EIF4G2: variants seen among roughly 807,000 people sequenced by gnomAD.
The protein encoded by EIF4G2 is eukaryotic translation initiation factor 4 gamma 2, also known as DAP-5.
In EIF4G2, 8 loss-of-function variants were observed where a neutral mutation model predicts 117.7. The observed-to-expected ratio is 0.07, with a 90% CI of 0.04 to 0.12. The LOEUF is 0.12. Ranked by LOEUF, EIF4G2 falls within the 10% of genes least tolerant of loss-of-function variation. The pLI is 1.00. For missense variants in EIF4G2, 812 were observed against 1,086.2 expected, an observed-to-expected ratio of 0.75 and a Z score of 3.55; for synonymous variants, 413 against 367.8, an observed-to-expected ratio of 1.12 and a Z score of -1.41.
intron 19 of EIF4G2, 49 bp from the exon 20 acceptor site, chr11:10,799,473 CAA>C (rs2089107557): frequency 1.9e-6 from 3 of 1,609,440 alleles, no homozygotes; most frequent in African/African-American, 1.3e-5. Flanking sequence ...TTTTCTTGCT[CAA>C]GAGACAACTC....
intron 14 of EIF4G2, 111 bp downstream of exon 14, chr11:10,801,550 G>A (rs897374842): frequency 8.1e-6 from 8 of 982,838 alleles, no homozygotes; most frequent in African/African-American, 1.6e-5. Flanking sequence ...AGAGAAAAAC[G>A]TCAAGAACTC....
chr11:10,797,576 G>A lies in EIF4G2; in HGVS notation c.*240C>T, dbSNP rs757496109. Reference sequence around the variant, plus strand: ...CTTGAGAACTTATGATGTAATTATTGCATGCTGCTAATATACTATCTAAAC... The same window carrying A: ...CTTGAGAACTTATGATGTAATTATTACATGCTGCTAATATACTATCTAAAC... On this transcript the variant is annotated 3_prime_UTR_variant, in exon 22 of 22. Transcript: ENST00000339995. This position sits in a 1 kb window ranked among gnomAD's most constrained non-coding sequence, Gnocchi z 4.5. The A allele has an allele frequency of 8.4e-6, 4 of 474,364 alleles. No homozygotes were observed. Among genetic ancestry groups the A allele is most frequent in the Non-Finnish European group, 1.1e-5 (3 of 266,096 alleles). 29.4% of individuals were successfully genotyped at this position (474,364 alleles called of 1,614,324 possible).
At chr11:10,804,610 A>G (rs1301454316) in intron 5 of EIF4G2, 192 bp from the exon 6 acceptor site, 10 of 702,126 alleles carry the variant, frequency 1.4e-5, no homozygotes, top group Admixed American at 6.3e-5. Context: ...TCAAGTCTAC[A>G]TAAACTGTCA....
chr11:10,804,424 G>A lies in EIF4G2; in HGVS notation c.352-6C>T, dbSNP rs778846204. ...TCTAGGGCTTTGTCCACAATCTACA[G>A]AAAATGTCATTGCTTAAACTAAATA... is the stretch of plus-strand genomic sequence containing the variant. On this transcript the variant is annotated splice_region_variant and splice_polypyrimidine_tract_variant and intron_variant, in intron 5 of 21. Transcript: ENST00000339995. 6.4e-7 allele frequency: 1 copy of A among 1,569,350 alleles called. No homozygotes were observed. Among genetic ancestry groups the A allele is most frequent in the Non-Finnish European group, 8.6e-7 (1 of 1,159,616 alleles).
intron 1 of EIF4G2, chr11:10,808,355 C>T: frequency 8.3e-7 from 1 of 1,206,344 alleles, no homozygotes; most frequent in Non-Finnish European, 1.1e-6. Context: ...CCCTGCCGGC[C>T]CGCGTGCCTC....
intron 14 of EIF4G2, 99 bp from the exon 15 acceptor site, chr11:10,801,186 G>T: frequency 6.7e-7 from 1 of 1,502,060 alleles, no homozygotes; most frequent in Non-Finnish European, 8.9e-7. Context: ...AGAATCTAGG[G>T]AAACATTAAG....
chr11:10,800,720 T>G lies in EIF4G2; in HGVS notation c.1644+11A>C, dbSNP rs1041656655. ...GGCTAATTACACTAAAATGGGATAT[T>G]TGAAACTTACAGTTAGTTTAAGGAG... On this transcript the variant is annotated intron_variant, in intron 16 of 21. Coordinates refer to ENST00000339995, the MANE Select transcript of EIF4G2 (RefSeq NM_001418.4). 6.2e-7 allele frequency: 1 copy of G among 1,614,188 alleles called. No homozygotes were observed. Among genetic ancestry groups the G allele is most frequent in the South Asian group, 1.1e-5 (1 of 91,072 alleles).
At position 10,803,820 on chromosome 11, in the gene EIF4G2, A is replaced by T. The variant is rs1590043212; in HGVS notation, c.702+79T>A. ...TTGCACATCTGTATTTAACTAGTCA[A>T]CCTCCCTCTTAGATGAATAATTGAC... On this transcript the variant is annotated intron_variant, in intron 8 of 21. Transcript: ENST00000339995. This position sits in a 1 kb window ranked among gnomAD's most constrained non-coding sequence, Gnocchi z 4.0. 1 of 1,513,042 alleles carries T rather than the reference A, an allele frequency of 6.6e-7. No homozygotes were observed. Among genetic ancestry groups the T allele is most frequent in the Admixed American group, 2.0e-5 (1 of 49,520 alleles). The allele number at this position is 1,513,042 out of a possible 1,614,324, so 93.7% of individuals were successfully genotyped here. A position where few individuals can be genotyped will look rare whatever the true frequency, so the allele number is the denominator to read the frequency against.
At chr11:10,807,426 G>T (rs368168442) in intron 1 of EIF4G2, 45 bp from the exon 2 acceptor site, 26 of 1,533,140 alleles carry the variant, frequency 1.7e-5, no homozygotes, top group African/African-American at 2.8e-5. Flanking sequence ...CTAACATACA[G>T]ATCTATAAGC....
intron 4 of EIF4G2, among the ~76,000 whole-genome samples, chr11:10,805,457 A>ATT (rs34032776): frequency 5.1e-4 from 76 of 148,752 alleles, no homozygotes; most frequent in East Asian, 1.2e-3. Flanking sequence ...TTCAAGATAC[A>ATT]TTTTTTTTTT....
intron 1 of EIF4G2, chr11:10,807,987 T>G (rs546060585): frequency 9.6e-7 from 1 of 1,037,920 alleles, no homozygotes; most frequent in African/African-American, 1.7e-5. Context: ...CAGGCGCAAG[T>G]TAGGGAAGTG....
intron 13 of EIF4G2, 93 bp downstream of exon 13, chr11:10,801,955 CT>C: frequency 9.2e-7 from 1 of 1,082,750 alleles, no homozygotes; most frequent in Non-Finnish European, 1.3e-6. Context: ...TGTGATTTTA[CT>C]AATACTTTAC....
Position 10,799,959 on chromosome 11 carries a change from T to C in EIF4G2, c.2119+131A>G, listed in dbSNP as rs149014557. The C allele has an allele frequency of 1.7e-4, 195 of 1,167,508 alleles. 2 individuals are homozygous for C. The African/African-American group carries it at 2.7e-3, about 16-fold the overall frequency. 72.3% of individuals were successfully genotyped at this position (1,167,508 alleles called of 1,614,324 possible). A position where few individuals can be genotyped will look rare whatever the true frequency, so the allele number is the denominator to read the frequency against. On this transcript the variant is annotated intron_variant, in intron 18 of 21. Transcript: ENST00000339995. ...TATAAATCTCTCTTTATAGGTGAGATCTGTGGTAATGTTTATCATTATCTG... is the reference window on the plus strand; with the variant it reads ...TATAAATCTCTCTTTATAGGTGAGACCTGTGGTAATGTTTATCATTATCTG...
chr11:10,804,238 A>T, intron 6 of EIF4G2, 35 bp from the exon 7 acceptor site: 2 of 1,613,112 alleles, frequency 1.2e-6, no homozygotes, highest in Non-Finnish European at 1.7e-6. Context: ...TTTATTAAGG[A>T]AATTTTTCAA....
chr11:10,805,102 T>C, intron 4 of EIF4G2, 87 bp from the exon 5 acceptor site: 1 of 1,059,310 alleles, frequency 9.4e-7, no homozygotes, highest in African/African-American at 1.6e-5. Context: ...CTGATTTTTC[T>C]TCTAACTTGC....
intron 1 of EIF4G2, chr11:10,808,409 G>A: frequency 4.0e-6 from 5 of 1,258,606 alleles, no homozygotes; most frequent in Non-Finnish European, 5.1e-6. Context: ...CTCGCCGTCC[G>A]AGCACAGCCG....
intron 1 of EIF4G2, chr11:10,807,960 G>A: frequency 9.8e-7 from 1 of 1,021,440 alleles, no homozygotes; most frequent in Middle Eastern, 4.8e-4. Context: ...ACAAAAGAGC[G>A]GAGCATTCCT....
intron 21 of EIF4G2, chr11:10,798,701 A>T: frequency 4.4e-6 from 1 of 228,974 alleles, no homozygotes; most frequent in Non-Finnish European, 8.6e-6. Flanking sequence ...CTCTTTACTG[A>T]TGTTTTTAAA....
intron 4 of EIF4G2, among the ~76,000 whole-genome samples, chr11:10,805,554 G>C (rs952456125): frequency 6.6e-6 from 1 of 152,018 alleles, no homozygotes; most frequent in Admixed American, 6.6e-5. Flanking sequence ...GGGTATTCAA[G>C]TGATTCTCCT....
Sources: gnomAD v4.1 joint callset for allele counts (sites outside exome capture counted in the v4.1 genomes callset) on GRCh38, gnomAD v4.1.1 for gene constraint, Gnocchi (gnomAD v3.1) non-coding constraint, MANE v1.5 for transcripts, NCBI Gene and HGNC (gene_info 2026-07-23, HGNC 2026-07-21) for gene names.